Variants in LUZP2 observed in about 807,000 individuals in gnomAD.
The protein encoded by LUZP2 is leucine zipper protein 2.
In LUZP2, 52 loss-of-function variants were observed where a neutral mutation model predicts 51.6. That is an observed-to-expected ratio of 1.01 (90% CI 0.81 to 1.27). The LOEUF is 1.27. LUZP2 is among the 50% of genes most tolerant of loss of function. The pLI is 0.00. For synonymous variants in LUZP2, 154 were observed against 137.3 expected (o/e 1.12, Z -0.85); for missense variants, 436 against 395.4 (o/e 1.10, Z -0.87).
intron 5 of LUZP2, among the ~76,000 whole-genome samples, chr11:24,878,280 C>A (rs1852341526): frequency 6.6e-6 from 1 of 151,922 alleles, no homozygotes; most frequent in Non-Finnish European, 1.5e-5. Context: ...GTCTTTATTT[C>A]CCCTTCATAT....
At chr11:24,728,458 C>A (rs1590408105) in intron 1 of LUZP2, among the ~76,000 whole-genome samples, 1 of 151,966 alleles carries the variant, frequency 6.6e-6, no homozygotes, top group African/African-American at 2.4e-5. Flanking sequence ...TGGACTATTG[C>A]AATGGTAACT....
intron 5 of LUZP2, among the ~76,000 whole-genome samples, chr11:24,792,281 G>C (rs2134097235): frequency 6.6e-6 from 1 of 152,056 alleles, no homozygotes; most frequent in East Asian, 1.9e-4. Context: ...AAAAAAATTA[G>C]CTGGGCATGG....
intron 7 of LUZP2, among the ~76,000 whole-genome samples, chr11:24,918,738 G>A (rs1853888772): frequency 6.6e-6 from 1 of 150,566 alleles, no homozygotes. Context: ...CAGAGCAAAT[G>A]CAAACAATAT....
chr11:24,812,074 A>C (rs1457254274), intron 5 of LUZP2, among the ~76,000 whole-genome samples: 1 of 152,214 alleles, frequency 6.6e-6, no homozygotes, highest in Non-Finnish European at 1.5e-5. Context: ...GTTGTGTTTC[A>C]TCAGAGTTTC....
intron 2 of LUZP2, among the ~76,000 whole-genome samples, chr11:24,730,469 G>A (rs376340129): frequency 1.4e-4 from 21 of 151,726 alleles, no homozygotes; most frequent in East Asian, 1.9e-4. Context: ...TGAAAACAGC[G>A]CAGGAATCAT....
chr11:24,596,252 T>TGGG (rs1853441618), intron 1 of LUZP2, among the ~76,000 whole-genome samples: 1 of 152,200 alleles, frequency 6.6e-6, no homozygotes, highest in African/African-American at 2.4e-5. Context: ...AACAATACAG[T>TGGG]ACTTTTAAAA....
chr11:24,959,019 C>T (rs1476316327), intron 7 of LUZP2, among the ~76,000 whole-genome samples: 2 of 152,138 alleles, frequency 1.3e-5, no homozygotes, highest in Admixed American at 1.3e-4. Flanking sequence ...GGAATCCTTT[C>T]CCCATTGCTT....
chr11:24,995,964 A>T lies in LUZP2; in HGVS notation c.765+12671A>T, dbSNP rs1228265106. Among the ~76,000 whole-genome samples the T allele has an allele frequency of 2.0e-5, 3 of 151,552 alleles. 1 individual carries two copies. The highest frequency in any genetic ancestry group is 4.4e-5 in the Non-Finnish European group (3 of 67,848). On this transcript the variant is annotated intron_variant, in intron 9 of 11. Coordinates refer to ENST00000336930, the MANE Select transcript of LUZP2 (RefSeq NM_001009909.4). Reference sequence around the variant, plus strand: ...ACTTATTATTTAAAAATCCAGTAAAATTTTTTGTATAATTCATTTTTATTG... The same window carrying T: ...ACTTATTATTTAAAAATCCAGTAAATTTTTTTGTATAATTCATTTTTATTG...
chr11:25,057,124 A>C (rs1858712413), intron 10 of LUZP2, among the ~76,000 whole-genome samples: 1 of 152,242 alleles, frequency 6.6e-6, no homozygotes, highest in East Asian at 1.9e-4. Flanking sequence ...ATATAAATAT[A>C]TAGATATTAA....
intron 9 of LUZP2, among the ~76,000 whole-genome samples, chr11:25,002,417 G>A (rs573941330): frequency 1.3e-5 from 2 of 152,294 alleles, no homozygotes; most frequent in African/African-American, 4.8e-5. Flanking sequence ...AAAAGTGGCA[G>A]GGTTGAGGGC....
chr11:24,625,745 G>A (rs560593077), intron 1 of LUZP2, among the ~76,000 whole-genome samples: 1 of 151,296 alleles, frequency 6.6e-6, no homozygotes, highest in South Asian at 2.1e-4. Context: ...CCAGAAACCA[G>A]AATCACAGCC....
At chr11:24,502,378 T>TTTTG (rs34008180) in intron 1 of LUZP2, among the ~76,000 whole-genome samples, 43,444 of 150,822 alleles carry the variant, frequency 0.29, 6,416 homozygotes, top group East Asian at 0.45. Flanking sequence ...TTCCAAAGTA[T>TTTTG]TTTGTTTGTT....
chr11:24,554,481 A>G (rs1851809214), intron 1 of LUZP2, among the ~76,000 whole-genome samples: 1 of 152,132 alleles, frequency 6.6e-6, no homozygotes, highest in African/African-American at 2.4e-5. Flanking sequence ...CATAATTATA[A>G]GAAAGTTAAT....
intron 5 of LUZP2, among the ~76,000 whole-genome samples, chr11:24,870,506 C>T (rs1486721): frequency 0.15 from 22,395 of 151,284 alleles, 1,735 homozygotes; most frequent in African/African-American, 0.17. Flanking sequence ...CACACACACA[C>T]ACACACTTCC....
In LUZP2 at chr11:24,618,140, G is replaced by T. The variant is rs111958744; in HGVS notation, c.63-111029G>T. 1.0e-3 allele frequency among the ~76,000 whole-genome samples: 153 copies of T among 152,244 alleles called. 2 individuals are homozygous for T. The highest frequency in any genetic ancestry group is 3.3e-3 in the African/African-American group (136 of 41,538). ...TGGCCTACACTGATACCACTCAGGG[G>T]ATGGGGGAATGTAGCCTTTTAACCT... On this transcript the variant is annotated intron_variant, in intron 1 of 11. Coordinates refer to ENST00000336930, the MANE Select transcript of LUZP2 (RefSeq NM_001009909.4).
At chr11:24,583,860 T>C (rs974579746) in intron 1 of LUZP2, among the ~76,000 whole-genome samples, 2 of 144,146 alleles carry the variant, frequency 1.4e-5, no homozygotes, top group African/African-American at 5.1e-5. Flanking sequence ...CCCGCCACCA[T>C]GACCAGCTAA....
intron 1 of LUZP2, among the ~76,000 whole-genome samples, chr11:24,680,194 A>G (rs1856686975): frequency 6.6e-6 from 1 of 152,232 alleles, no homozygotes; most frequent in Admixed American, 6.5e-5. Flanking sequence ...CAGGCATGCA[A>G]AAAGAAAGGC....
chr11:25,075,876 C>T (rs1859285022), intron 10 of LUZP2, among the ~76,000 whole-genome samples: 1 of 152,072 alleles, frequency 6.6e-6, no homozygotes, highest in Non-Finnish European at 1.5e-5. Flanking sequence ...TATTTATCTT[C>T]CACTCAGAAT....
chr11:24,937,948 T>G (rs187130961), intron 7 of LUZP2, among the ~76,000 whole-genome samples: 1 of 152,070 alleles, frequency 6.6e-6, no homozygotes, highest in East Asian at 1.9e-4. Flanking sequence ...CATATGTTCT[T>G]AACTCAGGAC....
Sources: allele counts gnomAD v4.1 joint callset (sites outside exome capture counted in the v4.1 genomes callset), GRCh38; gene constraint gnomAD v4.1.1; transcripts MANE v1.5; gene names NCBI Gene and HGNC (gene_info 2026-07-23, HGNC 2026-07-21).